B3GALT1: variants seen among roughly 807,000 people sequenced by gnomAD.
B3GALT1 encodes UDP-Gal:betaGlcNAc beta 1,3-galactosyltransferase, polypeptide 1.
B3GALT1 carries 10 observed loss-of-function variants against 23.2 expected under a neutral mutation model. That is an observed-to-expected ratio of 0.43 (90% CI 0.27 to 0.73). The LOEUF is 0.73. Among genes scored for constraint, B3GALT1 ranks in the 30% least tolerant of loss-of-function variants. The pLI is 0.21. For synonymous variants in B3GALT1, 156 were observed against 141.5 expected (o/e 1.10, Z -0.73); for missense variants, 299 against 405.4 (o/e 0.74, Z 2.25).
intron 3 of B3GALT1, among the ~76,000 whole-genome samples, chr2:167,710,202 G>T (rs553611731): frequency 6.6e-6 from 1 of 152,166 alleles, no homozygotes; most frequent in African/African-American, 2.4e-5. Context: ...ACTCAACCAA[G>T]AAAAACTTAT....
intron 3 of B3GALT1, among the ~76,000 whole-genome samples, chr2:167,748,978 G>A (rs772851767): frequency 1.3e-5 from 2 of 152,116 alleles, no homozygotes; most frequent in Non-Finnish European, 2.9e-5. Flanking sequence ...AGTAGAAGTA[G>A]TTGGTACTCC....
chr2:167,363,179 A>G (rs1697524634), intron 1 of B3GALT1, among the ~76,000 whole-genome samples: 1 of 151,578 alleles, frequency 6.6e-6, no homozygotes, highest in African/African-American at 2.4e-5. Context: ...CTTATTGTCT[A>G]GTATGCCAAC....
intron 2 of B3GALT1, among the ~76,000 whole-genome samples, chr2:167,510,155 G>A (rs573298363): frequency 1.3e-5 from 2 of 152,196 alleles, no homozygotes; most frequent in Admixed American, 6.5e-5. Context: ...AGTCAGACAC[G>A]AGCCAAGCAT....
intron 1 of B3GALT1, among the ~76,000 whole-genome samples, chr2:167,312,906 G>A (rs1006007131): frequency 1.7e-4 from 26 of 152,036 alleles, no homozygotes; most frequent in Admixed American, 1.2e-3. Context: ...TAAAACATAA[G>A]ATTCAATTCA....
Position 167,819,657 on chromosome 2 carries a change from CAG to C in B3GALT1, c.-230+867_-230+868del, listed in dbSNP as rs1253588504. ...TTGTCCATGAAATTGACAGTTATTT[CAG>C]AGTGTCTTCAAAATGCCAAGCAGAA... is the stretch of plus-strand genomic sequence containing the variant. On this transcript the variant is annotated intron_variant, in intron 4 of 4. Coordinates refer to ENST00000392690, the MANE Select transcript of B3GALT1 (RefSeq NM_020981.4). 5.3e-5 allele frequency among the ~76,000 whole-genome samples: 8 copies of C among 152,122 alleles called. No individual in the cohort carries two copies. In the South Asian group the frequency reaches 8.3e-4, roughly 16 times the overall value.
chr2:167,319,680 T>C (rs1456596594), intron 1 of B3GALT1, among the ~76,000 whole-genome samples: 1 of 152,108 alleles, frequency 6.6e-6, no homozygotes, highest in African/African-American at 2.4e-5. Flanking sequence ...CATTTTATTA[T>C]TTAAAAGAGG....
At chr2:167,426,617 A>G (rs1191806315) in intron 1 of B3GALT1, among the ~76,000 whole-genome samples, 13 of 152,102 alleles carry the variant, frequency 8.5e-5, no homozygotes, top group Non-Finnish European at 1.6e-4. Flanking sequence ...TTTTGTTTCC[A>G]CTACCCAGCA....
chr2:167,568,289 T>C (rs1033922909), intron 2 of B3GALT1, among the ~76,000 whole-genome samples: 8 of 152,132 alleles, frequency 5.3e-5, no homozygotes, highest in South Asian at 2.1e-4. Context: ...TGGTAAGTTA[T>C]GTTTAGTTTG....
chr2:167,312,815 C>G (rs749169165), intron 1 of B3GALT1, among the ~76,000 whole-genome samples: 1 of 152,070 alleles, frequency 6.6e-6, no homozygotes, highest in Non-Finnish European at 1.5e-5. Context: ...GATAGCACAA[C>G]AGTTTAGGCA....
chr2:167,318,319 CAAAA>C (rs1216870211), intron 1 of B3GALT1, among the ~76,000 whole-genome samples: 7 of 151,998 alleles, frequency 4.6e-5, no homozygotes, highest in African/African-American at 1.4e-4. Context: ...AACTCTGTCT[CAAAA>C]CAAACAAACA....
At chr2:167,548,678 G>A (rs964805181) in intron 2 of B3GALT1, among the ~76,000 whole-genome samples, 2 of 123,768 alleles carry the variant, frequency 1.6e-5, no homozygotes, top group Non-Finnish European at 3.1e-5. Flanking sequence ...GTCCAGACGT[G>A]TGTGTGAGTG....
intron 3 of B3GALT1, among the ~76,000 whole-genome samples, chr2:167,726,664 C>G (rs1023724216): frequency 7.9e-5 from 12 of 152,046 alleles, no homozygotes; most frequent in African/African-American, 2.9e-4. Flanking sequence ...AATCATTATC[C>G]CCAGTTTACA....
chr2:167,293,401 A>C (rs1007006946), intron 1 of B3GALT1, 67 bp downstream of exon 1: 1 of 152,366 alleles, frequency 6.6e-6, no homozygotes, highest in African/African-American at 2.4e-5. Flanking sequence ...GGGGGTTACG[A>C]GGCGCGTGGT....
intron 1 of B3GALT1, among the ~76,000 whole-genome samples, chr2:167,381,566 AT>A (rs1226104221): frequency 6.6e-6 from 1 of 152,166 alleles, no homozygotes; most frequent in Non-Finnish European, 1.5e-5. Context: ...CTTTTTGGTG[AT>A]TCTAATGTGC....
intron 3 of B3GALT1, among the ~76,000 whole-genome samples, chr2:167,721,127 G>T (rs1687225883): frequency 1.3e-5 from 2 of 151,854 alleles, no homozygotes; most frequent in South Asian, 4.2e-4. Context: ...GCCAGAAAAT[G>T]CTGTGCAGGT....
chr2:167,543,952 G>A (rs952129763), intron 2 of B3GALT1, among the ~76,000 whole-genome samples: 3 of 152,214 alleles, frequency 2.0e-5, no homozygotes, highest in East Asian at 3.8e-4. Context: ...TGTCATTAGT[G>A]CCCTTGGCTC....
chr2:167,408,269 T>G (rs2105293451), intron 1 of B3GALT1, among the ~76,000 whole-genome samples: 1 of 152,246 alleles, frequency 6.6e-6, no homozygotes, highest in Admixed American at 6.5e-5. Flanking sequence ...CAGAAAAACC[T>G]TATGATTATT....
chr2:167,631,730 TTCCTC>T (rs1484668472), intron 2 of B3GALT1, among the ~76,000 whole-genome samples: 10 of 146,208 alleles, frequency 6.8e-5, no homozygotes, highest in Non-Finnish European at 1.3e-4. Context: ...CTAGCTTTCT[TTCCTC>T]TCTCTCTCTC....
intron 1 of B3GALT1, among the ~76,000 whole-genome samples, chr2:167,443,545 G>A (rs184714393): frequency 2.4e-4 from 37 of 152,016 alleles, no homozygotes; most frequent in East Asian, 9.7e-4. Flanking sequence ...CTTTTATTTC[G>A]TTGAGCAGTG....
Sources: allele counts gnomAD v4.1 joint callset (sites outside exome capture counted in the v4.1 genomes callset), GRCh38; gene constraint gnomAD v4.1.1; transcripts MANE v1.5; gene names NCBI Gene and HGNC (gene_info 2026-07-23, HGNC 2026-07-21).